Variants in METTL14 observed in about 807,000 individuals in gnomAD.
METTL14 encodes the protein N(6)-adenosine-methyltransferase non-catalytic subunit METTL14.
METTL14 carries 32 observed loss-of-function variants against 62.4 expected under a neutral mutation model. The observed-to-expected ratio is 0.51, with a 90% CI of 0.39 to 0.69. The LOEUF is 0.69. Ranked by LOEUF, METTL14 falls within the 30% of genes least tolerant of loss-of-function variation. The pLI, the probability that METTL14 is intolerant of heterozygous loss-of-function variation, is 0.00. For missense variants in METTL14, 340 were observed against 551.9 expected (o/e 0.62, Z 3.85); for synonymous variants, 150 against 180.0 (o/e 0.83, Z 1.34).
At chr4:118,700,464 TAATA>T (rs1441747411) in intron 7 of METTL14, 82 bp from the exon 8 acceptor site, 2 of 1,033,264 alleles carry the variant, frequency 1.9e-6, no homozygotes, top group Non-Finnish European at 3.0e-6. Flanking sequence ...ACATCTATCC[TAATA>T]AATCTTAATT....
In METTL14 at chr4:118,710,667, A is replaced by G. The variant is rs1322115181; in HGVS notation, c.*365A>G. On this transcript the variant is annotated 3_prime_UTR_variant, in exon 11 of 11. Coordinates refer to ENST00000388822, the MANE Select transcript of METTL14 (RefSeq NM_020961.4). ...TCTGTGGTATCATGCTAGTGCTGAC[A>G]GGGCCTTGATAGAATAGAGTTGGAA... 1.8e-5 allele frequency: 3 copies of G among 167,686 alleles called. No homozygotes were observed. Among genetic ancestry groups the G allele is most frequent in the African/African-American group, 7.2e-5 (3 of 41,906 alleles). The allele number at this position is 167,686 out of a possible 1,614,324, so 10.4% of individuals were successfully genotyped here.
intron 6 of METTL14, among the ~76,000 whole-genome samples, chr4:118,694,730 A>G (rs1278293856): frequency 6.6e-6 from 1 of 152,130 alleles, no homozygotes; most frequent in Non-Finnish European, 1.5e-5. Flanking sequence ...CCTGGGCTCA[A>G]GCAATCCTCC....
chr4:118,710,360 T>A lies in METTL14; in HGVS notation c.*58T>A. On this transcript the variant is annotated 3_prime_UTR_variant, in exon 11 of 11. Transcript: ENST00000388822. Reference sequence around the variant, plus strand: ...CTAACCTTCTTTATTGTAATTAAATTTCAAGTGGGAGACTTAACTTTAGAA... The same window carrying A: ...CTAACCTTCTTTATTGTAATTAAATATCAAGTGGGAGACTTAACTTTAGAA... 1 of 1,478,184 alleles carries A rather than the reference T, an allele frequency of 6.8e-7. No individual in the cohort carries two copies. Among genetic ancestry groups the A allele is most frequent in the Non-Finnish European group, 9.1e-7 (1 of 1,103,848 alleles). The allele number at this position is 1,478,184 out of a possible 1,614,324, so 91.6% of individuals were successfully genotyped here.
At position 118,714,628 on chromosome 4, in the gene METTL14, C is replaced by G. The variant is rs1361091190; in HGVS notation, c.*4326C>G. ...TTTTTTGAGACAGAGTCTCTGTTAC[C>G]CAGGCTGGGGGGCAGTGATAAGATC... On this transcript the variant is annotated 3_prime_UTR_variant, in exon 11 of 11. Transcript: ENST00000388822. The G allele has an allele frequency of 2.0e-5, 3 of 152,054 alleles. No homozygotes were observed. The highest frequency in any genetic ancestry group is 2.0e-4 in the Admixed American group (3 of 15,266). 9.4% of individuals were successfully genotyped at this position (152,054 alleles called of 1,614,324 possible).
In METTL14 at chr4:118,685,503, T is replaced by C. The variant is rs1025279362; in HGVS notation, c.-32T>C. On this transcript the variant is annotated 5_prime_UTR_variant, in exon 1 of 11. Transcript: ENST00000388822. ...TAAGAGTTCACTGGAGATTGACAAG[T>C]ACTCGGGATAGTGAAAAGCCGGAGT... 8 of 1,607,192 alleles carry C rather than the reference T, an allele frequency of 5.0e-6. No individual in the cohort carries two copies. The highest frequency in any genetic ancestry group is 6.8e-6 in the Non-Finnish European group (8 of 1,173,706).
At chr4:118,705,465 C>A (rs1579076105) in intron 9 of METTL14, 146 bp from the exon 10 acceptor site, 2 of 685,228 alleles carry the variant, frequency 2.9e-6, no homozygotes, top group East Asian at 2.7e-5. Context: ...CAGAGCGAGA[C>A]CCAGTCTCAA....
At chr4:118,690,290 G>T (rs72679004) in intron 3 of METTL14, among the ~76,000 whole-genome samples, 1 of 150,822 alleles carries the variant, frequency 6.6e-6, no homozygotes, top group Non-Finnish European at 1.5e-5. Flanking sequence ...CACCCGCCTC[G>T]GCCTCCCAAA....
chr4:118,710,051 T>C lies in METTL14; in HGVS notation c.1120T>C (p.Tyr374His), dbSNP rs746977847. The C allele has an allele frequency of 1.9e-6, 3 of 1,614,176 alleles. No homozygotes were observed. The highest frequency in any genetic ancestry group is 1.7e-6 in the Non-Finnish European group (2 of 1,180,018). ...LTNSNYNAET[Y>H]ASYFSAPNSY... ...AAATAGCAACTACAATGCAGAAACA[T>C]ATGCATCCTATTTCAGTGCTCCTAA... Residue 374 changes from tyrosine (Y) to histidine (H), a missense_variant, in exon 11 of 11, where the codon TAT (tyrosine) becomes CAT (histidine). Tyr to His is a moderately conservative substitution (Grantham distance 83). Transcript: ENST00000388822.
At position 118,714,091 on chromosome 4, in the gene METTL14, T is replaced by G. The variant is rs1190315692; in HGVS notation, c.*3789T>G. 6.6e-6 allele frequency: 1 copy of G among 152,210 alleles called. No individual in the cohort carries two copies. The highest frequency in any genetic ancestry group is 2.4e-5 in the African/African-American group (1 of 41,460). The allele number at this position is 152,210 out of a possible 1,614,324, so 9.4% of individuals were successfully genotyped here. ...AAATACTTCTAAATAATTGACAACC[T>G]AGAAGTCAACAATGTAAAATGCATA... is the stretch of plus-strand genomic sequence containing the variant. On this transcript the variant is annotated 3_prime_UTR_variant, in exon 11 of 11. Coordinates refer to ENST00000388822, the MANE Select transcript of METTL14 (RefSeq NM_020961.4).
Position 118,705,515 on chromosome 4 carries a change from T to A in METTL14, c.856-96T>A, listed in dbSNP as rs535664641. The A allele has an allele frequency of 1.9e-5, 19 of 977,732 alleles. No individual in the cohort carries two copies. In the East Asian group the frequency reaches 3.4e-4, roughly 17 times the overall value. The allele number at this position is 977,732 out of a possible 1,614,324, so 60.6% of individuals were successfully genotyped here. A position where few individuals can be genotyped will look rare whatever the true frequency, so the allele number is the denominator to read the frequency against. On this transcript the variant is annotated intron_variant, in intron 9 of 10. Coordinates refer to ENST00000388822, the MANE Select transcript of METTL14 (RefSeq NM_020961.4). ...ACTGTATCCCAAAGATTCCGAGAAA[T>A]GAGGATTGTTTTAGAATTGAGGACA...
intron 10 of METTL14, among the ~76,000 whole-genome samples, chr4:118,706,797 ATGT>A (rs1476448834): frequency 2.6e-5 from 4 of 152,116 alleles, no homozygotes; most frequent in African/African-American, 9.7e-5. Flanking sequence ...TGGTATCATA[ATGT>A]TGTTTTAATT....
chr4:118,689,202 C>T (rs906629309), intron 2 of METTL14, among the ~76,000 whole-genome samples, 168 bp from the exon 3 acceptor site: 1 of 152,134 alleles, frequency 6.6e-6, no homozygotes, highest in Non-Finnish European at 1.5e-5. Flanking sequence ...ACAGAATTAT[C>T]AATCAGGTTA....
In METTL14 at chr4:118,691,299, A is replaced by T. The variant is rs28473188; in HGVS notation, c.244-233A>T. ...TGAGATAAATAGTTTTAGACAAATC[A>T]ATCAGCAAAATAGTAGTTACAGTAA... On this transcript the variant is annotated intron_variant, in intron 3 of 10. Transcript: ENST00000388822. Among the ~76,000 whole-genome samples the T allele has an allele frequency of 7.0e-3, 1,063 of 152,324 alleles. 12 individuals are homozygous for T. The highest frequency in any genetic ancestry group is 0.023 in the African/African-American group (976 of 41,564).
chr4:118,703,899 G>A (rs1197668413), intron 8 of METTL14, 36 bp from the exon 9 acceptor site: 1 of 1,224,028 alleles, frequency 8.2e-7, no homozygotes, highest in African/African-American at 1.6e-5. Flanking sequence ...ATTTCTTTAA[G>A]TTAAGGATTT....
At chr4:118,688,094 A>T in intron 2 of METTL14, 83 bp downstream of exon 2, 3 of 1,102,510 alleles carry the variant, frequency 2.7e-6, no homozygotes, top group Admixed American at 2.2e-5. Flanking sequence ...GGAGTACAGT[A>T]GCATGATTAT....
chr4:118,694,883 C>T (rs542474322), intron 6 of METTL14, among the ~76,000 whole-genome samples: 2 of 151,942 alleles, frequency 1.3e-5, no homozygotes, highest in South Asian at 2.1e-4. Context: ...CTCACTGCAG[C>T]CTCCGCCCCC....
intron 1 of METTL14, among the ~76,000 whole-genome samples, chr4:118,686,872 A>G (rs551791246): frequency 2.0e-5 from 3 of 152,278 alleles, no homozygotes; most frequent in South Asian, 4.1e-4. Flanking sequence ...GTTGCACTCT[A>G]CTTAGCCAGC....
chr4:118,700,694 T>C, intron 8 of METTL14, 52 bp downstream of exon 8: 22 of 1,271,524 alleles, frequency 1.7e-5, no homozygotes, highest in Non-Finnish European at 2.5e-5. Context: ...GAAAAAAATG[T>C]AACAGTATGT....
At position 118,697,276 on chromosome 4, in the gene METTL14, A is replaced by G; in HGVS notation, c.598A>G (p.Arg200Gly). The stretch of plus-strand genomic sequence containing the variant: ...GGAACCCCCTTTAGAAGAATATTAC[A>G]GAGAAACTGGCATCACTGCTAATGA... ...LLEPPLEEYY[R>G]ETGITANEKC... Residue 200 changes from arginine to glycine, a missense_variant, in exon 7 of 11, where the codon AGA becomes GGA. Arg to Gly is a moderately radical substitution (Grantham distance 125). Around this residue, in one of 7 missense-constraint regions of METTL14, gnomAD observed 58 missense variants for 147.5 expected, o/e 0.39. Coordinates refer to ENST00000388822, the MANE Select transcript of METTL14 (RefSeq NM_020961.4). 1 of 1,611,376 alleles carries G rather than the reference A, an allele frequency of 6.2e-7. No homozygotes were observed. The highest frequency in any genetic ancestry group is 8.5e-7 in the Non-Finnish European group (1 of 1,179,074).
Sources: allele counts gnomAD v4.1 joint callset (sites outside exome capture counted in the v4.1 genomes callset), GRCh38; gene constraint gnomAD v4.1.1; regional missense constraint gnomAD v4.1.1; transcripts MANE v1.5; gene names NCBI Gene and HGNC (gene_info 2026-07-23, HGNC 2026-07-21).